CFTR: variants seen among roughly 807,000 people sequenced by gnomAD.
CFTR encodes the protein CF transmembrane conductance regulator, also known as cystic fibrosis transmembrane conductance regulator.
A neutral mutation model predicts 171.6 loss-of-function variants in CFTR; 181 were observed. The observed-to-expected ratio is 1.05, with a 90% confidence interval of 0.93 to 1.19. The LOEUF is 1.19. Among genes scored for constraint, CFTR ranks in the 50% most tolerant of loss-of-function variants. The probability of loss-of-function intolerance (pLI) is 0.00; values close to 1 mark genes in which losing one functional copy is unlikely to be tolerated. For synonymous variants in CFTR, 583 were observed against 608.0 expected (o/e 0.96, Z 0.60); for missense variants, 1,968 against 1,734.7 (o/e 1.13, Z -2.39).
At chr7:117,552,282 C>T (rs893129607) in intron 10 of CFTR, among the ~76,000 whole-genome samples, 3 of 152,048 alleles carry the variant, frequency 2.0e-5, no homozygotes, top group Non-Finnish European at 2.9e-5. Flanking sequence ...GCATGAGCCA[C>T]TGTGTCTGGT....
intron 20 of CFTR, among the ~76,000 whole-genome samples, chr7:117,613,700 G>C (rs1171766745): frequency 6.6e-6 from 1 of 152,050 alleles, no homozygotes; most frequent in Non-Finnish European, 1.5e-5. Flanking sequence ...GATATATGCT[G>C]TGTATATTAT....
At chr7:117,566,353 T>C (rs1791602443) in intron 11 of CFTR, among the ~76,000 whole-genome samples, 1 of 151,914 alleles carries the variant, frequency 6.6e-6, no homozygotes, top group Admixed American at 6.6e-5. Flanking sequence ...GAGAATAGCT[T>C]GAACCCAGAA....
chr7:117,639,285 C>T (rs1160491823), intron 22 of CFTR, among the ~76,000 whole-genome samples: 3 of 152,158 alleles, frequency 2.0e-5, no homozygotes, highest in African/African-American at 4.8e-5. Flanking sequence ...ATTTCACAAC[C>T]TTTACTTTTA....
intron 21 of CFTR, among the ~76,000 whole-genome samples, chr7:117,623,691 C>T (rs992590500): frequency 6.6e-6 from 1 of 152,056 alleles, no homozygotes; most frequent in Non-Finnish European, 1.5e-5. Context: ...TAATGTAGAC[C>T]TACAGCACTG....
intron 3 of CFTR, among the ~76,000 whole-genome samples, chr7:117,518,388 A>G (rs951048204): frequency 6.8e-6 from 1 of 146,974 alleles, no homozygotes; most frequent in Non-Finnish European, 1.5e-5. Flanking sequence ...AATACTATAA[A>G]TAATATAATA....
chr7:117,503,903 A>T (rs914553176), intron 1 of CFTR, among the ~76,000 whole-genome samples: 6 of 152,170 alleles, frequency 3.9e-5, no homozygotes, highest in Non-Finnish European at 5.9e-5. Flanking sequence ...GACTTCAGTA[A>T]TTTGCTATAA....
Position 117,574,126 on chromosome 7 carries a change from A to G in CFTR, c.1585-13613A>G, listed in dbSNP as rs1247413473. On this transcript the variant is annotated intron_variant, in intron 11 of 26. Coordinates refer to ENST00000003084, the MANE Select transcript of CFTR (RefSeq NM_000492.4). ...AAACCAACACCCTTAAGATAAATATATTACCAGATTTGAGCGCTCTTAGTA... is the reference window on the plus strand; with the variant it reads ...AAACCAACACCCTTAAGATAAATATGTTACCAGATTTGAGCGCTCTTAGTA... Among the ~76,000 whole-genome samples, 3 of 152,060 alleles carry G rather than the reference A, an allele frequency of 2.0e-5. No homozygotes were observed. In the East Asian group the frequency reaches 5.8e-4, roughly 29 times the overall value.
intron 17 of CFTR, chr7:117,604,988 A>C (rs1792281094): frequency 6.6e-6 from 1 of 152,270 alleles, no homozygotes; most frequent in African/African-American, 2.4e-5. Context: ...TGGCCTCCTC[A>C]CCTGTTAAGT....
At position 117,480,076 on chromosome 7, in the gene CFTR, C is replaced by A; in HGVS notation, c.-19C>A. 1 of 1,613,570 alleles carries A rather than the reference C, an allele frequency of 6.2e-7. No homozygotes were observed. Among genetic ancestry groups the A allele is most frequent in the Non-Finnish European group, 8.5e-7 (1 of 1,179,716 alleles). ...TGAGCCCAGACGGCCCTAGCAGGGA[C>A]CCCAGCGCCCGAGAGACCATGCAGA... On this transcript the variant is annotated 5_prime_UTR_variant, in exon 1 of 27. Coordinates refer to ENST00000003084, the MANE Select transcript of CFTR (RefSeq NM_000492.4).
chr7:117,537,134 C>T (rs1188765941), intron 7 of CFTR, among the ~76,000 whole-genome samples: 1 of 152,120 alleles, frequency 6.6e-6, no homozygotes, highest in African/African-American at 2.4e-5. Flanking sequence ...TCTTCCTTAA[C>T]TCGGGAATGA....
At chr7:117,644,519 A>G (rs929223481) in intron 23 of CFTR, among the ~76,000 whole-genome samples, 1 of 152,122 alleles carries the variant, frequency 6.6e-6, no homozygotes, top group Non-Finnish European at 1.5e-5. Context: ...TTGCAAGGGC[A>G]TAGTTCTGAA....
chr7:117,480,362 C>A (rs1303795483), intron 1 of CFTR, among the ~76,000 whole-genome samples: 27 of 152,210 alleles, frequency 1.8e-4, no homozygotes, highest in Admixed American at 1.8e-3. Context: ...TAGAGAGCCA[C>A]ATCTACTTGC....
intron 11 of CFTR, among the ~76,000 whole-genome samples, chr7:117,570,148 T>C (rs556108940): frequency 6.7e-5 from 10 of 148,840 alleles, no homozygotes; most frequent in Admixed American, 6.1e-4. Context: ...ATTATTACTA[T>C]AGAGCCATCC....
chr7:117,623,642 G>C (rs1263517069), intron 21 of CFTR, among the ~76,000 whole-genome samples: 1 of 152,204 alleles, frequency 6.6e-6, no homozygotes, highest in Non-Finnish European at 1.5e-5. Flanking sequence ...TTTTGAGGCT[G>C]AGGCGCTGAG....
At chr7:117,630,977 A>G (rs1792735232) in intron 22 of CFTR, among the ~76,000 whole-genome samples, 1 of 152,048 alleles carries the variant, frequency 6.6e-6, no homozygotes, top group African/African-American at 2.4e-5. Context: ...AGCAAGATAG[A>G]TAAGAGATTG....
intron 11 of CFTR, among the ~76,000 whole-genome samples, chr7:117,576,276 A>G (rs565181308): frequency 1.3e-5 from 2 of 152,252 alleles, no homozygotes; most frequent in East Asian, 3.9e-4. Flanking sequence ...CCACAGATAG[A>G]AAATATTTAG....
intron 11 of CFTR, among the ~76,000 whole-genome samples, chr7:117,561,772 G>A (rs1353573333): frequency 6.6e-6 from 1 of 152,108 alleles, no homozygotes; most frequent in African/African-American, 2.4e-5. Flanking sequence ...AATCGAATTA[G>A]TGATGTAATA....
chr7:117,521,867 A>C (rs1798690868), intron 3 of CFTR, among the ~76,000 whole-genome samples: 1 of 152,156 alleles, frequency 6.6e-6, no homozygotes, highest in South Asian at 2.1e-4. Flanking sequence ...CATGGTTTGA[A>C]TATCTAGAAA....
At chr7:117,622,103 C>A (rs1056611954) in intron 21 of CFTR, among the ~76,000 whole-genome samples, 2 of 152,102 alleles carry the variant, frequency 1.3e-5, no homozygotes, top group Non-Finnish European at 2.9e-5. Context: ...AATATGTAAA[C>A]CATTTCTGTA....
Sources: allele counts gnomAD v4.1 joint callset (sites outside exome capture counted in the v4.1 genomes callset), GRCh38; gene constraint gnomAD v4.1.1; transcripts MANE v1.5; gene names NCBI Gene and HGNC (gene_info 2026-07-23, HGNC 2026-07-21).